Variants in ADAM20 observed in about 807,000 individuals in gnomAD.
The protein encoded by ADAM20 is ADAM metallopeptidase domain 20, also known as disintegrin and metalloproteinase domain-containing protein 20.
For missense variants in ADAM20, 871 were observed against 883.2 expected, an observed-to-expected ratio of 0.99 and a Z score of 0.18; for synonymous variants, 305 against 310.2, an observed-to-expected ratio of 0.98 and a Z score of 0.18.
At chr14:70,568,779 A>G in the ADAM20 span, among the ~76,000 whole-genome samples, 3 of 152,168 alleles carry the variant, frequency 2.0e-5, no homozygotes, top group African/African-American at 7.2e-5. Context: ...AAAGAATTTC[A>G]GAACTTGAAG....
chr14:70,558,810 T>C, the ADAM20 span, among the ~76,000 whole-genome samples: 1 of 152,206 alleles, frequency 6.6e-6, no homozygotes, highest in Non-Finnish European at 1.5e-5. Flanking sequence ...AGTTGATGAC[T>C]TCTTCCTCTT....
At chr14:70,576,200 A>C in the ADAM20 span, among the ~76,000 whole-genome samples, 1 of 152,198 alleles carries the variant, frequency 6.6e-6, no homozygotes, top group African/African-American at 2.4e-5. Context: ...TGTTCTTTGA[A>C]GATAAGAAAA....
chr14:70,544,601 A>G, the ADAM20 span, among the ~76,000 whole-genome samples: 1 of 152,166 alleles, frequency 6.6e-6, no homozygotes, highest in Admixed American at 6.5e-5. Flanking sequence ...CTTTAACAGA[A>G]TAAAATAAAA....
At chr14:70,532,760 T>G (rs56392092) in intron 1 of ADAM20, among the ~76,000 whole-genome samples, 29,107 of 152,104 alleles carry the variant, frequency 0.19, 3,565 homozygotes, top group East Asian at 0.53. Flanking sequence ...GCCAAACATC[T>G]ATCTGATACC....
chr14:70,552,908 C>T, the ADAM20 span, among the ~76,000 whole-genome samples: 2,215 of 34,180 alleles, frequency 0.065, 167 homozygotes, highest in East Asian at 0.41. Context: ...TGGAACCAAC[C>T]CAAATGTCCA....
At chr14:70,575,001 G>A in the ADAM20 span, among the ~76,000 whole-genome samples, 1 of 151,936 alleles carries the variant, frequency 6.6e-6, no homozygotes, top group Non-Finnish European at 1.5e-5. Flanking sequence ...TAGACTCACA[G>A]AAGCAGAGAG....
chr14:70,535,775 A>G (rs1318709472), upstream of ADAM20, among the ~76,000 whole-genome samples: 1 of 152,246 alleles, frequency 6.6e-6, no homozygotes, highest in Non-Finnish European at 1.5e-5. Flanking sequence ...ATATTAGCAA[A>G]AGAAAGCCAA....
the ADAM20 span, among the ~76,000 whole-genome samples, chr14:70,554,559 A>C: frequency 6.6e-6 from 1 of 152,120 alleles, no homozygotes; most frequent in African/African-American, 2.4e-5. Context: ...CACACACGGG[A>C]ATATTATTCA....
In ADAM20 at chr14:70,522,554, T is replaced by A. The variant is rs1344886702; in HGVS notation, c.*23A>T. 1 of 1,525,926 alleles carries A rather than the reference T, an allele frequency of 6.6e-7. No individual in the cohort carries two copies. Among genetic ancestry groups the A allele is most frequent in the Non-Finnish European group, 8.8e-7 (1 of 1,139,078 alleles). 94.5% of individuals were successfully genotyped at this position (1,525,926 alleles called of 1,614,324 possible). On this transcript the variant is annotated 3_prime_UTR_variant, in exon 2 of 2. Transcript: ENST00000256389. ...ATTAAAAATGAAGTATAAAGTTTAG[T>A]CTCCTTCTTTTTCCCATTTCTCTTA...
At chr14:70,561,235 T>A in the ADAM20 span, among the ~76,000 whole-genome samples, 1 of 152,242 alleles carries the variant, frequency 6.6e-6, no homozygotes, top group Non-Finnish European at 1.5e-5. Context: ...CCTAGAAATC[T>A]ATGTAACTTT....
chr14:70,562,225 G>A, the ADAM20 span, among the ~76,000 whole-genome samples: 15 of 152,228 alleles, frequency 9.9e-5, no homozygotes, highest in Non-Finnish European at 1.9e-4. Flanking sequence ...TTATTTTGGA[G>A]CTTTAAGATT....
chr14:70,537,938 A>G (rs1331733658), upstream of ADAM20, among the ~76,000 whole-genome samples: 1 of 151,562 alleles, frequency 6.6e-6, no homozygotes, highest in African/African-American at 2.4e-5. Context: ...TTATATCCCA[A>G]CCCTCCCTGT....
At chr14:70,545,336 G>C in the ADAM20 span, among the ~76,000 whole-genome samples, 1 of 152,188 alleles carries the variant, frequency 6.6e-6, no homozygotes, top group Non-Finnish European at 1.5e-5. Flanking sequence ...CTGCGCACTT[G>C]GGAGAGGGAT....
chr14:70,567,409 G>A, the ADAM20 span, among the ~76,000 whole-genome samples: 9 of 152,292 alleles, frequency 5.9e-5, no homozygotes, highest in South Asian at 1.9e-3. Context: ...GTCCCCTTAG[G>A]ACAAAGGGAA....
rs1264331709 is a variant in ADAM20 at position 70,524,924 on chromosome 14, A to G, written c.-167T>C. 6.4e-7 allele frequency: 1 copy of G among 1,571,600 alleles called. No individual in the cohort carries two copies. Among genetic ancestry groups the G allele is most frequent in the Non-Finnish European group, 8.6e-7 (1 of 1,159,844 alleles). On this transcript the variant is annotated 5_prime_UTR_variant, in exon 2 of 2. Coordinates refer to ENST00000256389, the MANE Select transcript of ADAM20 (RefSeq NM_003814.5). ...CTGGACCATCAGAGCTGCAGTGCTG[A>G]AAATAAAAACTGAAAGAGCCAGGAT...
At chr14:70,559,366 A>C in the ADAM20 span, among the ~76,000 whole-genome samples, 1 of 150,650 alleles carries the variant, frequency 6.6e-6, no homozygotes. Flanking sequence ...CTGTTGTTTT[A>C]ACCTTCAAAA....
the ADAM20 span, chr14:70,556,948 A>G: frequency 2.0e-5 from 3 of 152,332 alleles, no homozygotes; most frequent in East Asian, 5.8e-4. Context: ...AAAATATGCA[A>G]CAGTCACAAT....
chr14:70,566,289 T>C, the ADAM20 span, among the ~76,000 whole-genome samples: 2 of 152,158 alleles, frequency 1.3e-5, no homozygotes, highest in East Asian at 3.8e-4. Context: ...AATTGTGACA[T>C]CAATAACAAA....
chr14:70,563,503 T>C, the ADAM20 span, among the ~76,000 whole-genome samples: 3 of 152,174 alleles, frequency 2.0e-5, no homozygotes, highest in Admixed American at 2.0e-4. Context: ...CTGAGAAAAC[T>C]TGCAACCAAC....
Sources: gnomAD v4.1 joint callset for allele counts (sites outside exome capture counted in the v4.1 genomes callset) on GRCh38, gnomAD v4.1.1 for gene constraint, MANE v1.5 for transcripts, NCBI Gene and HGNC (gene_info 2026-07-23, HGNC 2026-07-21) for gene names.